Variants in LRRC23 observed in about 807,000 individuals in gnomAD.
The protein encoded by LRRC23 is leucine-rich repeat-containing protein 23.
LRRC23 carries 28 observed loss-of-function variants against 37.7 expected under a neutral mutation model. That is an observed-to-expected ratio of 0.74 (90% CI 0.55 to 1.02). The LOEUF (loss-of-function observed/expected upper bound fraction) is 1.02. Ranked by LOEUF, LRRC23 falls within the 50% of genes least tolerant of loss-of-function variation. The pLI, the probability that LRRC23 is intolerant of heterozygous loss-of-function variation, is 0.00. For missense variants in LRRC23, 377 were observed against 413.2 expected (o/e 0.91, Z 0.76); for synonymous variants, 161 against 165.4 (o/e 0.97, Z 0.20).
At chr12:6,906,796 C>A in intron 4 of LRRC23, 134 bp downstream of exon 4, 2 of 984,744 alleles carry the variant, frequency 2.0e-6, no homozygotes, top group Non-Finnish European at 3.1e-6. Flanking sequence ...CAATATGATT[C>A]ATTATGACAG....
In LRRC23 at chr12:6,905,974, GATGAGGA is replaced by G; in HGVS notation, c.236+21_236+27del. 3 of 1,597,174 alleles carry G rather than the reference GATGAGGA, an allele frequency of 1.9e-6. No homozygotes were observed. Among genetic ancestry groups the G allele is most frequent in the Non-Finnish European group, 2.6e-6 (3 of 1,165,294 alleles). ...AGAGAGGTGCGTTTTGGGGGGACCA[GATGAGGA>G]CTGTGAGACTGTAGGGCCCCTATCT... On this transcript the variant is annotated intron_variant, in intron 3 of 7. Transcript: ENST00000443597.
Position 6,905,843 on chromosome 12 carries a change from A to G in LRRC23, c.127-2A>G. On this transcript the variant is annotated splice_acceptor_variant, in intron 2 of 7. Transcript: ENST00000443597. LOFTEE classifies it high-confidence loss of function. ...GACACCTTACTCCACTTCTACCTGC[A>G]GTGGCTGCCCACCCCCCTCACGGAG... The G allele has an allele frequency of 3.7e-6, 6 of 1,613,994 alleles. No homozygotes were observed. The highest frequency in any genetic ancestry group is 5.1e-6 in the Non-Finnish European group (6 of 1,179,926).
intron 6 of LRRC23, among the ~76,000 whole-genome samples, chr12:6,912,093 C>G (rs1945173081): frequency 6.6e-6 from 1 of 152,150 alleles, no homozygotes; most frequent in Non-Finnish European, 1.5e-5. Context: ...CCAACCCATC[C>G]ATAGCCTTAG....
chr12:6,907,386 G>A lies in LRRC23; in HGVS notation c.562G>A (p.Gly188Arg), dbSNP rs1944973932. The change falls in exon 5 of 8, where the codon GGG (glycine) becomes AGG (arginine). Residue 188 changes from glycine (G) to arginine (R), a missense_variant. Gly to Arg is a moderately radical substitution (Grantham distance 125). Around this residue, in one of 3 missense-constraint regions of LRRC23, gnomAD observed 266 missense variants for 285.6 expected, o/e 0.93. Transcript: ENST00000443597. ...CAGCCTGCACACAGTGGAGCTTCGG[G>A]GGAACCAGCTGGAAAGCACCCTGGG... ...LISLHTVELR[G>R]NQLESTLGIN... 1 of 1,613,940 alleles carries A rather than the reference G, an allele frequency of 6.2e-7. No homozygotes were observed. Among genetic ancestry groups the A allele is most frequent in the Non-Finnish European group, 8.5e-7 (1 of 1,179,990 alleles).
intron 1 of LRRC23, 21 bp from the exon 2 acceptor site, chr12:6,905,564 T>C: frequency 9.7e-6 from 15 of 1,544,930 alleles, no homozygotes; most frequent in Non-Finnish European, 1.2e-5. Flanking sequence ...TGGCAGAAGC[T>C]GATGAGACCT....
At chr12:6,905,249 T>G in intron 1 of LRRC23, 174 bp downstream of exon 1, 3 of 194,768 alleles carry the variant, frequency 1.5e-5, no homozygotes, top group South Asian at 7.5e-5. Flanking sequence ...GAGGAGGAAT[T>G]GGTAGGGAAG....
chr12:6,913,028 G>T lies in LRRC23; in HGVS notation c.*24+1G>T. 1 of 1,610,360 alleles carries T rather than the reference G, an allele frequency of 6.2e-7. No individual in the cohort carries two copies. The highest frequency in any genetic ancestry group is 8.5e-7 in the Non-Finnish European group (1 of 1,177,470). ...GCAGCAGTTCTAGCCTCTAAAGATA[G>T]TAAGGAAGCCTGCAGGGAGGCAGTG... On this transcript the variant is annotated splice_donor_variant, in intron 7 of 7. Coordinates refer to ENST00000443597, the MANE Select transcript of LRRC23 (RefSeq NM_001135217.2). LOFTEE classifies it low-confidence loss of function (3UTR_SPLICE).
intron 6 of LRRC23, among the ~76,000 whole-genome samples, chr12:6,910,521 C>A (rs111924451): frequency 0.024 from 3,621 of 152,134 alleles, 52 homozygotes; most frequent in Non-Finnish European, 0.038. Context: ...CCAGTCTGGG[C>A]AACATGGCAA....
At chr12:6,910,984 TC>T (rs1565555033) in intron 6 of LRRC23, among the ~76,000 whole-genome samples, 1 of 152,126 alleles carries the variant, frequency 6.6e-6, no homozygotes, top group Admixed American at 6.6e-5. Context: ...AACTCTTTTT[TC>T]CTCACCCTAT....
In LRRC23 at chr12:6,905,995, G is replaced by C. The variant is rs782188407; in HGVS notation, c.236+41G>C. The C allele has an allele frequency of 8.2e-5, 125 of 1,527,056 alleles. 1 individual carries two copies. In the South Asian group the frequency reaches 1.3e-3, roughly 16 times the overall value. 94.6% of individuals were successfully genotyped at this position (1,527,056 alleles called of 1,614,324 possible). ...ACCAGATGAGGACTGTGAGACTGTA[G>C]GGCCCCTATCTCCTTTCCCACTGTC... On this transcript the variant is annotated intron_variant, in intron 3 of 7. Transcript: ENST00000443597.
intron 5 of LRRC23, among the ~76,000 whole-genome samples, chr12:6,908,613 A>ATG (rs1945010791): frequency 8.5e-6 from 1 of 118,270 alleles, no homozygotes; most frequent in Non-Finnish European, 1.7e-5. Context: ...AAAAAAAAAA[A>ATG]AAAAAAACCA....
At chr12:6,907,048 G>A (rs782219234) in intron 4 of LRRC23, among the ~76,000 whole-genome samples, 16 of 152,272 alleles carry the variant, frequency 1.1e-4, no homozygotes, top group Admixed American at 9.8e-4. Flanking sequence ...TGACATTTGA[G>A]CAAAGAATTG....
Position 6,910,034 on chromosome 12 carries a change from CCCTCT to C in LRRC23, c.758+11_758+15del. ...GCAGTACCTCAACCTGAGGTATGCA[CCCTCT>C]CCAAGCCCCACCTTGCCCCTACCCC... On this transcript the variant is annotated intron_variant, in intron 6 of 7. Coordinates refer to ENST00000443597, the MANE Select transcript of LRRC23 (RefSeq NM_001135217.2). 4 of 1,603,916 alleles carry C rather than the reference CCCTCT, an allele frequency of 2.5e-6. No individual in the cohort carries two copies. The South Asian group carries it at 4.5e-5, about 18-fold the overall frequency.
At chr12:6,908,784 A>G (rs1441024867) in intron 5 of LRRC23, among the ~76,000 whole-genome samples, 22 of 147,072 alleles carry the variant, frequency 1.5e-4, no homozygotes, top group African/African-American at 5.1e-4. Context: ...AGATTGCGCC[A>G]CTGCACTCCA....
At position 6,905,699 on chromosome 12, in the gene LRRC23, C is replaced by T. The variant is rs782188553; in HGVS notation, c.66C>T (p.Asp22=). 56 of 1,610,670 alleles carry T rather than the reference C, an allele frequency of 3.5e-5. No homozygotes were observed. Among genetic ancestry groups the T allele is most frequent in the Middle Eastern group, 1.6e-4 (1 of 6,074 alleles). ...PDQDDSEKEE[D]EKETEEGEDY... ...AGGATGATTCTGAGAAAGAAGAGGA[C>T]GAGAAGGAGACAGAGGAGGGGGAGG... The change falls in exon 2 of 8, where the codon GAC becomes GAT. Residue 22 remains aspartate (D), a synonymous_variant. Transcript: ENST00000443597.
Position 6,914,059 on chromosome 12 carries a change from A to G in LRRC23, c.*193A>G, listed in dbSNP as rs888484483. 4 of 1,594,044 alleles carry G rather than the reference A, an allele frequency of 2.5e-6. No individual in the cohort carries two copies. The highest frequency in any genetic ancestry group is 1.8e-4 in the Middle Eastern group (1 of 5,584). On this transcript the variant is annotated 3_prime_UTR_variant, in exon 8 of 8. Coordinates refer to ENST00000443597, the MANE Select transcript of LRRC23 (RefSeq NM_001135217.2). This position sits in a 1 kb window ranked among gnomAD's most constrained non-coding sequence, Gnocchi z 7.1. ...TCCTCTGGGCAGTGTGGGGTGCAGA[A>G]TGGGGTGCCTAGGCCTGAGCGTTGC... is the stretch of plus-strand genomic sequence containing the variant.
At chr12:6,913,728 C>A in intron 7 of LRRC23, 163 bp from the exon 8 acceptor site, 1 of 505,938 alleles carries the variant, frequency 2.0e-6, no homozygotes, top group South Asian at 3.2e-5. Context: ...CCGCGCCTGG[C>A]TAATTTTTGT....
chr12:6,907,226 G>A lies in LRRC23; in HGVS notation c.491-89G>A, dbSNP rs1371353157. 4.0e-6 allele frequency: 6 copies of A among 1,503,576 alleles called. No homozygotes were observed. In the African/African-American group the frequency reaches 4.2e-5, roughly 10 times the overall value. 93.1% of individuals were successfully genotyped at this position (1,503,576 alleles called of 1,614,324 possible). ...TCAGTATCTACCCTGCTTTGCGAAT[G>A]GTAGGATGATTTAGAGGCTCCCCAA... On this transcript the variant is annotated intron_variant, in intron 4 of 7. Coordinates refer to ENST00000443597, the MANE Select transcript of LRRC23 (RefSeq NM_001135217.2).
At chr12:6,907,605 A>G (rs1944981274) in intron 5 of LRRC23, 160 bp downstream of exon 5, 2 of 748,290 alleles carry the variant, frequency 2.7e-6, no homozygotes, top group Non-Finnish European at 4.7e-6. Context: ...GGAGATACAC[A>G]GCCACCTAGC....
Sources: allele counts gnomAD v4.1 joint callset (sites outside exome capture counted in the v4.1 genomes callset), GRCh38; gene constraint gnomAD v4.1.1; regional missense constraint gnomAD v4.1.1; non-coding constraint Gnocchi (gnomAD v3.1); transcripts MANE v1.5; gene names NCBI Gene and HGNC (gene_info 2026-07-23, HGNC 2026-07-21).